HMCN2: variants seen among roughly 807,000 people sequenced by gnomAD.
HMCN2 encodes the protein hemicentin-2.
Under a neutral mutation model 377.5 loss-of-function variants are expected in HMCN2, and 325 were observed. The ratio of observed to expected loss-of-function variants is 0.86; its 90% CI spans 0.79 to 0.94. The LOEUF (loss-of-function observed/expected upper bound fraction) is 0.94. HMCN2 is among the 40% of genes least tolerant of loss of function. The probability of loss-of-function intolerance (pLI) is 0.00; values close to 1 mark genes in which losing one functional copy is unlikely to be tolerated. For synonymous variants in HMCN2, 2,007 were observed against 2,046.8 expected (o/e 0.98, Z 0.53); for missense variants, 4,543 against 4,725.3 (o/e 0.96, Z 1.13).
chr9:130,363,053 T>C, intron 40 of HMCN2, 63 bp downstream of exon 40: 1 of 978,280 alleles, frequency 1.0e-6, no homozygotes, highest in Non-Finnish European at 1.2e-6. Context: ...GTGGGGGGCA[T>C]TCCCAGTCAC....
At chr9:130,300,953 G>A (rs1836471327) in intron 8 of HMCN2, among the ~76,000 whole-genome samples, 1 of 152,242 alleles carries the variant, frequency 6.6e-6, no homozygotes, top group Non-Finnish European at 1.5e-5. Context: ...CCTGGAGGTG[G>A]CCCGAGGGGA....
intron 23 of HMCN2, among the ~76,000 whole-genome samples, chr9:130,340,843 C>T (rs1446554480): frequency 6.6e-6 from 1 of 152,192 alleles, no homozygotes; most frequent in Non-Finnish European, 1.5e-5. Context: ...TAAATGATGT[C>T]AGGCACATTG....
At chr9:130,324,718 G>A (rs1428255343) in intron 19 of HMCN2, among the ~76,000 whole-genome samples, 1 of 151,866 alleles carries the variant, frequency 6.6e-6, no homozygotes, top group Admixed American at 6.6e-5. Context: ...TCCACCTCCC[G>A]GGTTCAAGTA....
intron 46 of HMCN2, among the ~76,000 whole-genome samples, chr9:130,371,795 T>A (rs1222821428): frequency 2.0e-5 from 3 of 152,236 alleles, no homozygotes; most frequent in Non-Finnish European, 4.4e-5. Flanking sequence ...GGCAATCAGT[T>A]AGTAATGTCG....
rs1217722655 is a variant in HMCN2 at position 130,341,229 on chromosome 9, CG to C, written c.3607del (p.Val1203TrpfsTer161). The C allele has an allele frequency of 2.0e-5, 3 of 152,330 alleles. No homozygotes were observed. Among genetic ancestry groups the C allele is most frequent in the Non-Finnish European group, 4.4e-5 (3 of 68,148 alleles). 9.4% of individuals were successfully genotyped at this position (152,330 alleles called of 1,614,324 possible). ...EPQLSWSKDGVVLQGRGPQGS... is the reference protein window; with the variant it reads ...EPQLSWSKDGXVLQGRGPQGS... Reference sequence around the variant, plus strand: ...CCCAGCTGAGCTGGTCCAAGGATGGCGTGGTGTTGCAGGGCCGGGGGCCTCA... The same window carrying C: ...CCCAGCTGAGCTGGTCCAAGGATGGCTGGTGTTGCAGGGCCGGGGGCCTCA... On this transcript the variant is annotated frameshift_variant, in exon 24 of 98. Coordinates refer to ENST00000683500, the MANE Select transcript of HMCN2 (RefSeq NM_001291815.2). LOFTEE classifies it high-confidence loss of function.
At chr9:130,397,056 G>A (rs1322027573) in intron 73 of HMCN2, among the ~76,000 whole-genome samples, 1 of 152,210 alleles carries the variant, frequency 6.6e-6, no homozygotes, top group Admixed American at 6.5e-5. Flanking sequence ...GTTAGCATCT[G>A]TATTAGGCCA....
At position 130,305,379 on chromosome 9, in the gene HMCN2, T is replaced by TA. The variant is rs145511064; in HGVS notation, c.1816+377_1816+378insA. The stretch of plus-strand genomic sequence containing the variant: ...ACCTTGGGGAAGCTCAGAGGTCAGA[T>TA]GTATTTGGCAGAGATCGGGCAGCAC... On this transcript the variant is annotated intron_variant, in intron 11 of 97. Transcript: ENST00000683500. Among the ~76,000 whole-genome samples, 1,328 of 152,148 alleles carry TA rather than the reference T, an allele frequency of 8.7e-3. 13 individuals are homozygous for TA. Among genetic ancestry groups the TA allele is most frequent in the African/African-American group, 0.031 (1,288 of 41,498 alleles).
chr9:130,315,992 G>A (rs1481489089), intron 15 of HMCN2, among the ~76,000 whole-genome samples: 5 of 152,210 alleles, frequency 3.3e-5, no homozygotes, highest in African/African-American at 1.2e-4. Context: ...GTTTGTGGGG[G>A]ACACAGTTCA....
chr9:130,429,365 C>G, intron 93 of HMCN2, 192 bp from the exon 94 acceptor site: 1 of 654,502 alleles, frequency 1.5e-6, no homozygotes, highest in Non-Finnish European at 2.6e-6. Context: ...TTCTCTGGGA[C>G]CTGGAACCCT....
chr9:130,428,411 G>A lies in HMCN2; in HGVS notation c.14119G>A (p.Val4707Met). The A allele has an allele frequency of 6.5e-7, 1 of 1,547,764 alleles. No homozygotes were observed. The highest frequency in any genetic ancestry group is 1.2e-5 in the South Asian group (1 of 84,062). ...AHLCREGQRC[V>M]NLLGSYRCLP... ...CCTCTGCCGAGAGGGACAGCGCTGT[G>A]TGAACCTGCTCGGGTCCTACCGCTG... The change falls in exon 93 of 98, where the codon GTG becomes ATG. Residue 4707 changes from valine (V) to methionine (M), a missense_variant. By Grantham distance (21) the Val-to-Met change is conservative. Transcript: ENST00000683500. This position sits in a 1 kb window ranked among gnomAD's most constrained non-coding sequence, Gnocchi z 5.0.
Position 130,408,878 on chromosome 9 carries a change from GC to G in HMCN2, c.12825del (p.Ser4276AlafsTer12), listed in dbSNP as rs1324837312. The G allele has an allele frequency of 7.8e-7, 1 of 1,289,662 alleles. No individual in the cohort carries two copies. Among genetic ancestry groups the G allele is most frequent in the Non-Finnish European group, 1.0e-6 (1 of 988,860 alleles). The allele number at this position is 1,289,662 out of a possible 1,614,324, so 79.9% of individuals were successfully genotyped here. A position where few individuals can be genotyped will look rare whatever the true frequency, so the allele number is the denominator to read the frequency against. On this transcript the variant is annotated frameshift_variant, in exon 84 of 98. Transcript: ENST00000683500. LOFTEE classifies it high-confidence loss of function. ...HWIKDGLPLRGSHLRHQLQNG... is the reference protein window; with the variant it reads ...HWIKDGLPLRXSHLRHQLQNG... ...ATCAAAGATGGCCTTCCACTGCGGG[GC>G]AGCCACCTCCGGCACCAGCTGCAGA...
Position 130,385,656 on chromosome 9 carries a change from T to C in HMCN2, c.9203T>C (p.Leu3068Pro), listed in dbSNP as rs1841983315. The C allele has an allele frequency of 7.7e-7, 1 of 1,303,950 alleles. No individual in the cohort carries two copies. The highest frequency in any genetic ancestry group is 1.5e-5 in the African/African-American group (1 of 65,794). 80.8% of individuals were successfully genotyped at this position (1,303,950 alleles called of 1,614,324 possible). ...GTCCTGAGCTGCGAGACAGATGCGC[T>C]CCCTGAGCCAACTGTGACCTGGTAC... ...KAVLSCETDA[L>P]PEPTVTWYKD... The change falls in exon 60 of 98, where the codon CTC (leucine) becomes CCC (proline). Residue 3068 changes from leucine to proline, a missense_variant. Physicochemically the swap from Leu to Pro is moderately conservative, Grantham distance 98. Transcript: ENST00000683500.
At chr9:130,357,398 A>T (rs147242733) in intron 34 of HMCN2, among the ~76,000 whole-genome samples, 17 of 148,456 alleles carry the variant, frequency 1.1e-4, no homozygotes, top group African/African-American at 4.0e-4. Context: ...GGATGGATGG[A>T]TGGAGGGATG....
intron 1 of HMCN2, among the ~76,000 whole-genome samples, chr9:130,277,946 T>C (rs1162357457): frequency 1.8e-4 from 10 of 55,512 alleles, no homozygotes; most frequent in Non-Finnish European, 2.3e-4. Context: ...ACCACCATCA[T>C]CATCATCACC....
chr9:130,287,981 T>C lies in HMCN2; in HGVS notation c.612+1671T>C, dbSNP rs1390041983. On this transcript the variant is annotated intron_variant, in intron 4 of 97. Coordinates refer to ENST00000683500, the MANE Select transcript of HMCN2 (RefSeq NM_001291815.2). ...ACTCCCTGTTGACAGATGGCGTTTA[T>C]GGTTCTCTGCGACACTTTAGGCTTC... Among the ~76,000 whole-genome samples, 3 of 152,238 alleles carry C rather than the reference T, an allele frequency of 2.0e-5. No homozygotes were observed. In the East Asian group the frequency reaches 5.8e-4, roughly 29 times the overall value.
rs142184633 is a variant in HMCN2 at position 130,270,431 on chromosome 9, G to A, written c.259+4294G>A. ...TTTAAAAATTGGTAGGCTGGGCTCA[G>A]TGGCTCACACTTGTAATGCCAGTAC... On this transcript the variant is annotated intron_variant, in intron 1 of 97. Coordinates refer to ENST00000683500, the MANE Select transcript of HMCN2 (RefSeq NM_001291815.2). 1.4e-4 allele frequency among the ~76,000 whole-genome samples: 21 copies of A among 147,690 alleles called. 2 individuals carry two copies. The highest frequency in any genetic ancestry group is 1.2e-4 in the Non-Finnish European group (8 of 65,910).
chr9:130,355,359 G>T (rs540213177), intron 32 of HMCN2, among the ~76,000 whole-genome samples: 1 of 152,310 alleles, frequency 6.6e-6, no homozygotes, highest in South Asian at 2.1e-4. Flanking sequence ...CTTTCCTAAG[G>T]CCGGCTTGTG....
chr9:130,384,263 C>A, intron 57 of HMCN2, 110 bp from the exon 58 acceptor site: 1 of 884,710 alleles, frequency 1.1e-6, no homozygotes. Context: ...GAAGTTGTGC[C>A]GAGGTGAAGC....
At chr9:130,387,943 G>A (rs1842106135) in intron 61 of HMCN2, among the ~76,000 whole-genome samples, 1 of 152,194 alleles carries the variant, frequency 6.6e-6, no homozygotes, top group Non-Finnish European at 1.5e-5. Flanking sequence ...TAACAAGAAA[G>A]GGACTGACAC....
Sources: allele counts gnomAD v4.1 joint callset (sites outside exome capture counted in the v4.1 genomes callset), GRCh38; gene constraint gnomAD v4.1.1; non-coding constraint Gnocchi (gnomAD v3.1); transcripts MANE v1.5; gene names NCBI Gene and HGNC (gene_info 2026-07-23, HGNC 2026-07-21).